SLC30A9: variants seen among roughly 807,000 people sequenced by gnomAD.
SLC30A9 encodes solute carrier family 30 member 9.
A neutral mutation model predicts 87.5 loss-of-function variants in SLC30A9; 58 were observed. The observed-to-expected ratio is 0.66, with a 90% CI of 0.54 to 0.82. The LOEUF is 0.82. SLC30A9 is among the 40% of genes least tolerant of loss of function. SLC30A9 has a pLI of 0.00. For synonymous variants in SLC30A9, 234 were observed against 233.0 expected (o/e 1.00, Z -0.04); for missense variants, 557 against 679.1 (o/e 0.82, Z 2.00).
At chr4:42,015,366 C>T (rs186296688) in intron 2 of SLC30A9, among the ~76,000 whole-genome samples, 92 of 151,708 alleles carry the variant, frequency 6.1e-4, no homozygotes, top group Non-Finnish European at 1.1e-3. Context: ...GAGATGGAGA[C>T]GGCAGGAAAA....
chr4:42,042,125 T>C (rs557664953), intron 8 of SLC30A9, among the ~76,000 whole-genome samples: 17 of 152,268 alleles, frequency 1.1e-4, no homozygotes, highest in African/African-American at 3.9e-4. Flanking sequence ...AGCACAAAAC[T>C]GGGCGGCCAT....
Position 42,044,908 on chromosome 4 carries a change from C to A in SLC30A9, c.738-4469C>A, listed in dbSNP as rs529557537. 1.2e-4 allele frequency among the ~76,000 whole-genome samples: 19 copies of A among 152,276 alleles called. No homozygotes were observed. The East Asian group carries it at 2.5e-3, about 20-fold the overall frequency. ...AATGAGAACTCAAGATTAAGAAACT[C>A]ACTCAAAACCGCGCAACTACATGGA... On this transcript the variant is annotated intron_variant, in intron 8 of 17. Transcript: ENST00000264451.
At position 42,039,058 on chromosome 4, in the gene SLC30A9, G is replaced by C; in HGVS notation, c.737+5G>C. On this transcript the variant is annotated splice_donor_5th_base_variant and intron_variant, in intron 8 of 17. Coordinates refer to ENST00000264451, the MANE Select transcript of SLC30A9 (RefSeq NM_006345.4). ...GGTGATGGTTGCAATTTGCATGTAA[G>C]TACTGAAAAATAAGCTTTGTGAAAT... is the stretch of plus-strand genomic sequence containing the variant. 6.3e-7 allele frequency: 1 copy of C among 1,598,762 alleles called. No homozygotes were observed. The highest frequency in any genetic ancestry group is 8.6e-7 in the Non-Finnish European group (1 of 1,166,278).
chr4:42,038,379 T>C (rs1459477006), intron 7 of SLC30A9, among the ~76,000 whole-genome samples: 2 of 152,194 alleles, frequency 1.3e-5, no homozygotes, highest in Non-Finnish European at 1.5e-5. Context: ...TCTAAAGAAA[T>C]CTTATTTTTC....
At chr4:42,059,093 A>G (rs889526520) in intron 9 of SLC30A9, among the ~76,000 whole-genome samples, 1 of 152,158 alleles carries the variant, frequency 6.6e-6, no homozygotes, top group Admixed American at 6.5e-5. Flanking sequence ...AGTTTCTTTA[A>G]TCTCTATTTT....
chr4:42,012,050 TAAA>T (rs1715466214), intron 2 of SLC30A9, among the ~76,000 whole-genome samples: 13 of 151,680 alleles, frequency 8.6e-5, no homozygotes, highest in Admixed American at 8.5e-4. Flanking sequence ...AATCAATATA[TAAA>T]GAGAGATGAG....
intron 1 of SLC30A9, among the ~76,000 whole-genome samples, chr4:41,998,473 T>G (rs538534240): frequency 0.02 from 2,741 of 136,264 alleles, 36 homozygotes; most frequent in South Asian, 0.024. Context: ...TTTTTTTTTG[T>G]TTGTTTTTGA....
chr4:42,056,954 C>A (rs1717645419), intron 9 of SLC30A9, among the ~76,000 whole-genome samples: 1 of 152,202 alleles, frequency 6.6e-6, no homozygotes, highest in Non-Finnish European at 1.5e-5. Flanking sequence ...TCCAGCGGGG[C>A]AGTCAATTCG....
At chr4:42,001,945 A>G (rs1354382964) in intron 2 of SLC30A9, among the ~76,000 whole-genome samples, 165 bp downstream of exon 2, 3 of 151,668 alleles carry the variant, frequency 2.0e-5, no homozygotes, top group Non-Finnish European at 4.4e-5. Flanking sequence ...TATTTTTTCT[A>G]TTTCTTTTTG....
chr4:42,060,589 A>G (rs1332550610), intron 10 of SLC30A9, among the ~76,000 whole-genome samples: 1 of 152,152 alleles, frequency 6.6e-6, no homozygotes, highest in Non-Finnish European at 1.5e-5. Context: ...AGGCTGCCCA[A>G]TCTAAAATTT....
intron 8 of SLC30A9, among the ~76,000 whole-genome samples, chr4:42,046,474 A>G (rs1717155814): frequency 6.6e-6 from 1 of 152,236 alleles, no homozygotes; most frequent in African/African-American, 2.4e-5. Flanking sequence ...GTGAACTCCC[A>G]TTCACAGTTG....
At chr4:42,036,838 A>T (rs1716695498) in intron 7 of SLC30A9, among the ~76,000 whole-genome samples, 3 of 152,062 alleles carry the variant, frequency 2.0e-5, no homozygotes, top group African/African-American at 7.2e-5. Context: ...ATGAGCCAGC[A>T]TTTTCACTCT....
At chr4:42,067,217 G>A in intron 14 of SLC30A9, 25 bp downstream of exon 14, 1 of 1,324,890 alleles carries the variant, frequency 7.5e-7, no homozygotes, top group African/African-American at 1.4e-5. Flanking sequence ...AATTACAGGT[G>A]ATTTATTTGT....
chr4:42,032,470 C>G (rs952365826), intron 6 of SLC30A9, among the ~76,000 whole-genome samples: 1 of 152,164 alleles, frequency 6.6e-6, no homozygotes, highest in African/African-American at 2.4e-5. Context: ...TTGACTATCT[C>G]AGTTCTGCAC....
intron 9 of SLC30A9, among the ~76,000 whole-genome samples, chr4:42,050,033 T>C (rs1717325000): frequency 6.6e-6 from 1 of 152,166 alleles, no homozygotes; most frequent in South Asian, 2.1e-4. Flanking sequence ...GGATACCTTT[T>C]CAATATTTAC....
chr4:42,040,630 T>C (rs1210860032), intron 8 of SLC30A9, among the ~76,000 whole-genome samples: 1 of 151,724 alleles, frequency 6.6e-6, no homozygotes, highest in Admixed American at 6.6e-5. Flanking sequence ...ACCCCGTCTC[T>C]ACTAAAAATA....
chr4:42,037,746 G>A (rs1174672859), intron 7 of SLC30A9, among the ~76,000 whole-genome samples: 1 of 151,898 alleles, frequency 6.6e-6, no homozygotes, highest in Non-Finnish European at 1.5e-5. Context: ...CTTCAAAAAG[G>A]GGCAGTTCTC....
chr4:42,022,084 C>T (rs1230756514), intron 4 of SLC30A9, among the ~76,000 whole-genome samples: 1 of 75,158 alleles, frequency 1.3e-5, no homozygotes, highest in Non-Finnish European at 3.9e-5. Flanking sequence ...TACAGGCGCC[C>T]GCCACCACGC....
At chr4:41,997,444 T>A (rs1284984693) in intron 1 of SLC30A9, among the ~76,000 whole-genome samples, 2 of 152,140 alleles carry the variant, frequency 1.3e-5, no homozygotes, top group African/African-American at 2.4e-5. Context: ...AGGTTTTTTT[T>A]TTATTATTAT....
Sources: gnomAD v4.1 joint callset for allele counts (sites outside exome capture counted in the v4.1 genomes callset) on GRCh38, gnomAD v4.1.1 for gene constraint, MANE v1.5 for transcripts, NCBI Gene and HGNC (gene_info 2026-07-23, HGNC 2026-07-21) for gene names.